ZNF567: variants seen among roughly 807,000 people sequenced by gnomAD.
The protein encoded by ZNF567 is zinc finger protein 567.
ZNF567 carries 36 observed loss-of-function variants against 53.9 expected under a neutral mutation model. That is an observed-to-expected ratio of 0.67 (90% CI 0.51 to 0.88). The LOEUF is 0.88. Among genes scored for constraint, ZNF567 ranks in the 40% least tolerant of loss-of-function variants. The pLI is 0.00. For missense variants in ZNF567, 619 were observed against 764.7 expected, an observed-to-expected ratio of 0.81 and a Z score of 2.25; for synonymous variants, 224 against 260.4, an observed-to-expected ratio of 0.86 and a Z score of 1.35.
At chr19:36,680,147 T>A in the ZNF567 span, among the ~76,000 whole-genome samples, 1 of 152,182 alleles carries the variant, frequency 6.6e-6, no homozygotes, top group Non-Finnish European at 1.5e-5. Context: ...GTACATACAA[T>A]ACATACAATT....
At chr19:36,673,897 A>G in the ZNF567 span, among the ~76,000 whole-genome samples, 3 of 152,192 alleles carry the variant, frequency 2.0e-5, no homozygotes, top group African/African-American at 4.8e-5. Flanking sequence ...AGAGTTCCTA[A>G]GAGAAGGAAC....
At chr19:36,669,435 G>A in the ZNF567 span, 1 of 152,188 alleles carries the variant, frequency 6.6e-6, no homozygotes, top group African/African-American at 2.4e-5. Flanking sequence ...AACTACATAA[G>A]AGAATGCAGG....
chr19:36,701,614 T>C (rs2145698154), intron 3 of ZNF567, among the ~76,000 whole-genome samples: 1 of 152,072 alleles, frequency 6.6e-6, no homozygotes, highest in African/African-American at 2.4e-5. Context: ...TGCTCCTGTA[T>C]TGGGTGCATA....
At chr19:36,709,920 T>C (rs1056789307) in intron 3 of ZNF567, among the ~76,000 whole-genome samples, 3 of 152,226 alleles carry the variant, frequency 2.0e-5, no homozygotes, top group Non-Finnish European at 2.9e-5. Context: ...TAAGTGTGGT[T>C]TTCTTTGGTG....
chr19:36,707,611 CTT>C (rs1178621898), intron 3 of ZNF567, among the ~76,000 whole-genome samples: 2 of 151,934 alleles, frequency 1.3e-5, no homozygotes, highest in Non-Finnish European at 2.9e-5. Flanking sequence ...GAGTTTTACT[CTT>C]GTCGCTCAGG....
At chr19:36,676,953 C>T in the ZNF567 span, among the ~76,000 whole-genome samples, 9 of 151,044 alleles carry the variant, frequency 6.0e-5, no homozygotes, top group East Asian at 1.8e-3. Flanking sequence ...GTCAGAAGTT[C>T]GAGACTAGCC....
the ZNF567 span, chr19:36,668,082 C>T: frequency 6.6e-6 from 1 of 152,316 alleles, no homozygotes; most frequent in African/African-American, 2.4e-5. Flanking sequence ...AGGCGTGAGC[C>T]ACCGGGTCAG....
chr19:36,721,742 TTC>T (rs2040304322), downstream of ZNF567, among the ~76,000 whole-genome samples: 2 of 102,386 alleles, frequency 2.0e-5, no homozygotes, highest in Admixed American at 2.4e-4. Context: ...CTTTTTTTTT[TTC>T]TTTTTTTTTT....
At position 36,720,371 on chromosome 19, in the gene ZNF567, T is replaced by C. The variant is rs370375188; in HGVS notation, c.1647T>C (p.Thr549=). 2.4e-5 allele frequency: 39 copies of C among 1,614,018 alleles called. No homozygotes were observed. In the South Asian group the frequency reaches 3.5e-4, roughly 15 times the overall value. Residue 549 remains threonine, a synonymous_variant, in exon 6 of 6, where the codon ACT becomes ACC. Transcript: ENST00000682579. ...GKSFRQKATL[T]VHQKIHTGQK... ...CCTTTCGCCAGAAAGCAACCCTCACTGTACATCAGAAAATACATACCGGCC... is the reference window on the plus strand; with the variant it reads ...CCTTTCGCCAGAAAGCAACCCTCACCGTACATCAGAAAATACATACCGGCC...
the ZNF567 span, among the ~76,000 whole-genome samples, chr19:36,682,016 G>C: frequency 6.6e-6 from 1 of 152,070 alleles, no homozygotes; most frequent in Non-Finnish European, 1.5e-5. Flanking sequence ...GCTCACACTT[G>C]TCATCCCAGC....
At chr19:36,712,147 A>G (rs2039819419) in intron 3 of ZNF567, 3 of 386,738 alleles carry the variant, frequency 7.8e-6, no homozygotes, top group Non-Finnish European at 1.5e-5. Context: ...CCTGGTTTCA[A>G]GCTATTCTCC....
downstream of ZNF567, among the ~76,000 whole-genome samples, chr19:36,726,661 C>T (rs933998974): frequency 5.9e-5 from 9 of 152,288 alleles, no homozygotes; most frequent in East Asian, 1.9e-4. Context: ...CCCTGTTAGG[C>T]GGGATAGTAG....
chr19:36,668,996 G>T, the ZNF567 span: 1 of 152,160 alleles, frequency 6.6e-6, no homozygotes, highest in Admixed American at 6.5e-5. Context: ...ACTTGTACAG[G>T]CTTTTTTTCT....
chr19:36,717,454 T>C (rs1265568289), intron 5 of ZNF567, among the ~76,000 whole-genome samples: 3 of 152,164 alleles, frequency 2.0e-5, no homozygotes. Flanking sequence ...AAGTAAGGTA[T>C]ATATAGGGCA....
At chr19:36,698,748 G>A (rs374852688) in intron 3 of ZNF567, among the ~76,000 whole-genome samples, 13 of 151,666 alleles carry the variant, frequency 8.6e-5, no homozygotes, top group African/African-American at 2.2e-4. Flanking sequence ...TGTTCATATC[G>A]TTTGCCCACT....
At chr19:36,710,048 C>G (rs2039695626) in intron 3 of ZNF567, among the ~76,000 whole-genome samples, 1 of 152,074 alleles carries the variant, frequency 6.6e-6, no homozygotes, top group African/African-American at 2.4e-5. Flanking sequence ...TTTCTCTCCC[C>G]ATTCTGGGAC....
rs2040218328 is a variant in ZNF567, at chr19:36,719,567, T to C, written c.843T>C (p.Tyr281=). ...HQGIHSEEKP[Y]QCHQCGNAFR... is the part of the protein sequence containing the mutation. ...GAATTCACTCAGAAGAAAAACCCTATCAATGTCATCAATGTGGAAATGCAT... is the reference window on the plus strand; with the variant it reads ...GAATTCACTCAGAAGAAAAACCCTACCAATGTCATCAATGTGGAAATGCAT... The change falls in exon 6 of 6, where the codon TAT becomes TAC. Residue 281 remains tyrosine, a synonymous_variant. Coordinates refer to ENST00000682579, the MANE Select transcript of ZNF567 (RefSeq NM_001322917.1). 1 of 1,613,978 alleles carries C rather than the reference T, an allele frequency of 6.2e-7. No homozygotes were observed. The highest frequency in any genetic ancestry group is 1.3e-5 in the African/African-American group (1 of 74,900).
intron 3 of ZNF567, among the ~76,000 whole-genome samples, chr19:36,697,767 A>G (rs945005302): frequency 6.6e-6 from 1 of 151,978 alleles, no homozygotes; most frequent in Non-Finnish European, 1.5e-5. Context: ...ATGCACCACC[A>G]TGCTGGCCTA....
chr19:36,670,556 G>A, the ZNF567 span, among the ~76,000 whole-genome samples: 6 of 152,156 alleles, frequency 3.9e-5, no homozygotes, highest in Non-Finnish European at 8.8e-5. Context: ...GACTCCAGTT[G>A]TAGCTGCTGT....
Sources: gnomAD v4.1 joint callset for allele counts (sites outside exome capture counted in the v4.1 genomes callset) on GRCh38, gnomAD v4.1.1 for gene constraint, MANE v1.5 for transcripts, NCBI Gene and HGNC (gene_info 2026-07-23, HGNC 2026-07-21) for gene names.